The following EPB41L1 variants were observed in gnomAD, a reference collection of about 807,000 sequenced individuals.
The protein encoded by EPB41L1 is band 4.1-like protein 1.
A neutral mutation model predicts 97.8 loss-of-function variants in EPB41L1; 29 were observed. The ratio of observed to expected loss-of-function variants is 0.30; its 90% CI spans 0.22 to 0.40. The LOEUF is 0.40. Among genes scored for constraint, EPB41L1 ranks in the 10% least tolerant of loss-of-function variants. The probability of loss-of-function intolerance (pLI) is 1.00; values close to 1 mark genes in which losing one functional copy is unlikely to be tolerated. For missense variants in EPB41L1, 812 were observed against 1,162.3 expected, an observed-to-expected ratio of 0.70 and a Z score of 4.38; for synonymous variants, 383 against 459.2, an observed-to-expected ratio of 0.83 and a Z score of 2.12.
In EPB41L1 at chr20:36,231,232, T is replaced by C. The variant is rs1242144823; in HGVS notation, c.*1892T>C. The C allele has an allele frequency of 6.6e-6, 1 of 152,198 alleles. No individual in the cohort carries two copies. Among genetic ancestry groups the C allele is most frequent in the East Asian group, 1.9e-4 (1 of 5,202 alleles). 9.4% of individuals were successfully genotyped at this position (152,198 alleles called of 1,614,324 possible). A position where few individuals can be genotyped will look rare whatever the true frequency, so the allele number is the denominator to read the frequency against. On this transcript the variant is annotated 3_prime_UTR_variant, in exon 22 of 22. Transcript: ENST00000338074. ...CATTGCTCTCTGCCACACGTGGGCT[T>C]CCTCAGGCTTGTCTGCCACAAGCTA...
rs1569280910 is a variant in EPB41L1 at position 36,195,993 on chromosome 20, C to A, written c.1485+629C>A. On this transcript the variant is annotated intron_variant, in intron 13 of 21. Coordinates refer to ENST00000338074, the MANE Select transcript of EPB41L1 (RefSeq NM_012156.2). This position sits in a 1 kb window ranked among gnomAD's most constrained non-coding sequence, Gnocchi z 4.6. ...AACCTCCTCCTTTTCTCCTCCTTTC[C>A]TCGTCTTCTTCCCATTTGTTGCTTC... Among the ~76,000 whole-genome samples the A allele has an allele frequency of 6.6e-6, 1 of 152,220 alleles. No homozygotes were observed. The highest frequency in any genetic ancestry group is 1.5e-5 in the Non-Finnish European group (1 of 68,038).
intron 1 of EPB41L1, among the ~76,000 whole-genome samples, chr20:36,098,430 G>A (rs2057903986): frequency 6.6e-6 from 1 of 152,152 alleles, no homozygotes; most frequent in South Asian, 2.1e-4. Flanking sequence ...CAGCAAGGTT[G>A]GCTCCTTCTG....
chr20:36,173,749 T>G lies in EPB41L1; in HGVS notation c.-14-15T>G, dbSNP rs758972199. Reference sequence around the variant, plus strand: ...TGTCCCTCCCTGTCACATGATCTCCTTCATGCCAATGCAGGCGTGCTGGTC... The same window carrying G: ...TGTCCCTCCCTGTCACATGATCTCCGTCATGCCAATGCAGGCGTGCTGGTC... On this transcript the variant is annotated splice_polypyrimidine_tract_variant and intron_variant, in intron 1 of 21. Transcript: ENST00000338074. 1 of 1,613,376 alleles carries G rather than the reference T, an allele frequency of 6.2e-7. No individual in the cohort carries two copies. The highest frequency in any genetic ancestry group is 1.1e-5 in the South Asian group (1 of 91,070).
At chr20:36,137,373 G>A (rs2059457248) in intron 2 of EPB41L1, among the ~76,000 whole-genome samples, 1 of 150,724 alleles carries the variant, frequency 6.6e-6, no homozygotes, top group Non-Finnish European at 1.5e-5. Context: ...ACTGCGCTGG[G>A]GCAGCTAATT....
At chr20:36,188,083 A>T in intron 8 of EPB41L1, among the ~76,000 whole-genome samples, 1 of 152,156 alleles carries the variant, frequency 6.6e-6, no homozygotes, top group East Asian at 1.9e-4. Flanking sequence ...GCCACTAAAT[A>T]TTTGCTGGAT....
Position 36,207,571 on chromosome 20 carries a change from A to T in EPB41L1, c.1669-1917A>T. The T allele has an allele frequency of 2.3e-6, 3 of 1,289,940 alleles. No individual in the cohort carries two copies. The highest frequency in any genetic ancestry group is 3.0e-6 in the Non-Finnish European group (3 of 988,894). 79.9% of individuals were successfully genotyped at this position (1,289,940 alleles called of 1,614,324 possible). A position where few individuals can be genotyped will look rare whatever the true frequency, so the allele number is the denominator to read the frequency against. On this transcript the variant is annotated intron_variant, in intron 14 of 21. Transcript: ENST00000338074. The surrounding 1 kb of genome is among the most constrained non-coding windows in gnomAD (Gnocchi z 4.9). ...CGTGGGACAAGCAGAGCAGCAGCGG[A>T]GTACGCTCTCAGACCTGGGCTTCGC... is the stretch of plus-strand genomic sequence containing the variant.
At position 36,232,791 on chromosome 20, in the gene EPB41L1, T is replaced by C; in HGVS notation, c.*3451T>C. On this transcript the variant is annotated 3_prime_UTR_variant, in exon 22 of 22. Coordinates refer to ENST00000338074, the MANE Select transcript of EPB41L1 (RefSeq NM_012156.2). ...TAAGTGAAATAAATGTGTTTGATGC[T>C]GAACCATACTTCCTTGGCACCTCTC... The C allele has an allele frequency of 2.5e-6, 1 of 396,850 alleles. No individual in the cohort carries two copies. The highest frequency in any genetic ancestry group is 4.4e-6 in the Non-Finnish European group (1 of 225,990). The allele number at this position is 396,850 out of a possible 1,614,324, so 24.6% of individuals were successfully genotyped here. A position where few individuals can be genotyped will look rare whatever the true frequency, so the allele number is the denominator to read the frequency against.
chr20:36,157,740 G>T (rs1380299101), intron 1 of EPB41L1, among the ~76,000 whole-genome samples: 2 of 152,158 alleles, frequency 1.3e-5, no homozygotes, highest in East Asian at 3.9e-4. Context: ...TCTCCTTCCT[G>T]GCCAGGGTCC....
chr20:36,110,622 TAC>T (rs11473679), intron 1 of EPB41L1: 18,699 of 138,598 alleles, frequency 0.13, 1,305 homozygotes, highest in Middle Eastern at 0.23. Context: ...CAGTTTGCTT[TAC>T]ACACACACAC....
At chr20:36,109,734 T>C (rs1448575601) in intron 1 of EPB41L1, 1 of 152,056 alleles carries the variant, frequency 6.6e-6, no homozygotes, top group Non-Finnish European at 1.5e-5. Flanking sequence ...ATTTTACAGA[T>C]GAGGAAGCTG....
chr20:36,140,268 G>C (rs1261805003), intron 2 of EPB41L1, among the ~76,000 whole-genome samples: 2 of 140,038 alleles, frequency 1.4e-5, no homozygotes, highest in Non-Finnish European at 3.1e-5. Flanking sequence ...ATGAGGTTTC[G>C]CCATGTTGGC....
intron 2 of EPB41L1, among the ~76,000 whole-genome samples, chr20:36,141,141 A>G (rs535804985): frequency 6.6e-6 from 1 of 151,678 alleles, no homozygotes; most frequent in African/African-American, 2.4e-5. Flanking sequence ...TCTTCCATTT[A>G]CCTCCTTATC....
chr20:36,211,306 A>G (rs1345251555), intron 15 of EPB41L1, among the ~76,000 whole-genome samples: 1 of 152,078 alleles, frequency 6.6e-6, no homozygotes, highest in Non-Finnish European at 1.5e-5. Context: ...ACTTGAACTC[A>G]GGAGGCAGAG....
rs115809398 is a variant in EPB41L1 at position 36,218,189 on chromosome 20, G to A, written c.2269-687G>A. Among the ~76,000 whole-genome samples, 638 of 152,254 alleles carry A rather than the reference G, an allele frequency of 4.2e-3. 1 individual carries two copies. The highest frequency in any genetic ancestry group is 0.014 in the African/African-American group (601 of 41,542). On this transcript the variant is annotated intron_variant, in intron 17 of 21. Transcript: ENST00000338074. ...TAAGTTCCAGCTCTACCACTAACTT[G>A]CTGGGAGACTGAACTCTTAAGTTTC...
intron 14 of EPB41L1, 80 bp downstream of exon 14, chr20:36,198,121 C>G (rs1332114737): frequency 7.7e-7 from 1 of 1,294,000 alleles, no homozygotes; most frequent in Non-Finnish European, 1.1e-6. Flanking sequence ...TACACTCATC[C>G]TCCACACCAA....
chr20:36,215,720 TATTC>T (rs1377886549), intron 17 of EPB41L1, among the ~76,000 whole-genome samples: 1 of 152,200 alleles, frequency 6.6e-6, no homozygotes, highest in East Asian at 1.9e-4. Context: ...TCCATCCATC[TATTC>T]ATTCATTTGT....
intron 2 of EPB41L1, among the ~76,000 whole-genome samples, chr20:36,121,179 C>A (rs560450554): frequency 5.7e-4 from 86 of 151,938 alleles, no homozygotes; most frequent in African/African-American, 2.1e-3. Context: ...TCAGTAGACA[C>A]GGAATCTGCT....
rs912942142 is a variant in EPB41L1 at position 36,230,623 on chromosome 20, G to C, written c.*1283G>C. 6.6e-6 allele frequency: 1 copy of C among 152,266 alleles called. No individual in the cohort carries two copies. The highest frequency in any genetic ancestry group is 2.4e-5 in the African/African-American group (1 of 41,428). The allele number at this position is 152,266 out of a possible 1,614,324, so 9.4% of individuals were successfully genotyped here. ...CAAGACACCTTCTCCCTGCCCCCCT[G>C]GTAGTAACAGTCAGGGCCTGGTCTG... On this transcript the variant is annotated 3_prime_UTR_variant, in exon 22 of 22. Coordinates refer to ENST00000338074, the MANE Select transcript of EPB41L1 (RefSeq NM_012156.2).
chr20:36,218,522 G>T (rs1338046001), intron 17 of EPB41L1, among the ~76,000 whole-genome samples: 1 of 152,188 alleles, frequency 6.6e-6, no homozygotes, highest in Admixed American at 6.5e-5. Flanking sequence ...AAGTGGCTCT[G>T]CCCCAAGTCA....
Sources: gnomAD v4.1 joint callset for allele counts (sites outside exome capture counted in the v4.1 genomes callset) on GRCh38, gnomAD v4.1.1 for gene constraint, Gnocchi (gnomAD v3.1) non-coding constraint, MANE v1.5 for transcripts, NCBI Gene and HGNC (gene_info 2026-07-23, HGNC 2026-07-21) for gene names.